The following NOS2 variants were observed in gnomAD, a reference collection of about 807,000 sequenced individuals.
NOS2 encodes nitric oxide synthase, inducible.
A neutral mutation model predicts 136.0 loss-of-function variants in NOS2; 96 were observed. The ratio of observed to expected loss-of-function variants is 0.71; its 90% CI spans 0.60 to 0.84. The LOEUF is 0.84. Ranked by LOEUF, NOS2 falls within the 40% of genes least tolerant of loss-of-function variation. The pLI, the probability that NOS2 is intolerant of heterozygous loss-of-function variation, is 0.00. For missense variants in NOS2, 1,237 were observed against 1,496.9 expected, an observed-to-expected ratio of 0.83 and a Z score of 2.87; for synonymous variants, 539 against 587.5, an observed-to-expected ratio of 0.92 and a Z score of 1.20.
At position 27,758,866 on chromosome 17, in the gene NOS2, C is replaced by T; in HGVS notation, c.3354+15G>A. Reference sequence around the variant, plus strand: ...CCTTGGCCGGCACCTTCAGCCCACACACCCACTACTATACCTTGAGCTGAA... The same window carrying T: ...CCTTGGCCGGCACCTTCAGCCCACATACCCACTACTATACCTTGAGCTGAA... On this transcript the variant is annotated intron_variant, in intron 26 of 26. Coordinates refer to ENST00000313735, the MANE Select transcript of NOS2 (RefSeq NM_000625.4). 6.7e-7 allele frequency: 1 copy of T among 1,481,738 alleles called. No individual in the cohort carries two copies. Among genetic ancestry groups the T allele is most frequent in the Non-Finnish European group, 9.0e-7 (1 of 1,109,800 alleles). The allele number at this position is 1,481,738 out of a possible 1,614,324, so 91.8% of individuals were successfully genotyped here. A position where few individuals can be genotyped will look rare whatever the true frequency, so the allele number is the denominator to read the frequency against.
rs1908524013 is a variant in NOS2 at position 27,772,382 on chromosome 17, C to G, written c.1630G>C (p.Ala544Pro). 5 of 1,614,016 alleles carry G rather than the reference C, an allele frequency of 3.1e-6. No homozygotes were observed. Among genetic ancestry groups the G allele is most frequent in the Non-Finnish European group, 4.2e-6 (5 of 1,180,046 alleles). The change falls in exon 14 of 27, where the codon GCG (alanine) becomes CCG (proline). Residue 544 changes from alanine (A) to proline (P), a missense_variant. Transcript: ENST00000313735. ...ASRVRVTILFATETGKSEALA... is the reference protein window; with the variant it reads ...ASRVRVTILFPTETGKSEALA... ...GCCTCTGATTTTCCTGTCTCTGTCG[C>G]AAAGAGGATGGTGACTCTGACTCGG...
rs1367098467 is a variant in NOS2 at position 27,790,603 on chromosome 17, C to T, written c.111-915G>A. Among the ~76,000 whole-genome samples, 13 of 152,274 alleles carry T rather than the reference C, an allele frequency of 8.5e-5. No individual in the cohort carries two copies. In the South Asian group the frequency reaches 1.2e-3, roughly 15 times the overall value. The stretch of plus-strand genomic sequence containing the variant: ...CCGATCTTGTTTCACCTATACCTTC[C>T]CTGCCCCCATCATTATTTTAAAACA... On this transcript the variant is annotated intron_variant, in intron 2 of 26. Coordinates refer to ENST00000313735, the MANE Select transcript of NOS2 (RefSeq NM_000625.4).
rs191361072 is a variant in NOS2, at chr17:27,780,521, C to T, written c.1004+246G>A. On this transcript the variant is annotated intron_variant, in intron 9 of 26. Coordinates refer to ENST00000313735, the MANE Select transcript of NOS2 (RefSeq NM_000625.4). ...ACTGCTTCTCAAGCTCCTGGGGCCCCATCCGCCTAAGCCTCTGCTTCCCCT... is the reference window on the plus strand; with the variant it reads ...ACTGCTTCTCAAGCTCCTGGGGCCCTATCCGCCTAAGCCTCTGCTTCCCCT... Among the ~76,000 whole-genome samples, 17 of 152,332 alleles carry T rather than the reference C, an allele frequency of 1.1e-4. No homozygotes were observed. In the East Asian group the frequency reaches 3.3e-3, roughly 29 times the overall value.
intron 12 of NOS2, among the ~76,000 whole-genome samples, chr17:27,773,969 T>A (rs1908580122): frequency 6.6e-6 from 1 of 152,144 alleles, no homozygotes; most frequent in South Asian, 2.1e-4. Context: ...CTCAACACTC[T>A]GCTGAGTGAC....
At chr17:27,787,410 A>G (rs1050070242) in intron 5 of NOS2, among the ~76,000 whole-genome samples, 1 of 152,208 alleles carries the variant, frequency 6.6e-6, no homozygotes. Flanking sequence ...TATGATGAGG[A>G]CGTTCAGACA....
intron 11 of NOS2, 27 bp downstream of exon 11, chr17:27,778,663 T>A (rs770393724): frequency 6.9e-6 from 11 of 1,586,632 alleles, no homozygotes; most frequent in Non-Finnish European, 8.7e-6. Context: ...CCAAAAAGTC[T>A]TCAGACTCAC....
rs758984354 is a variant in NOS2, at chr17:27,772,344, G to A, written c.1668C>T (p.Asp556=). The change falls in exon 14 of 27, where the codon GAC becomes GAT. Residue 556 remains aspartate (D), a synonymous_variant. Transcript: ENST00000313735. The part of the protein sequence containing the change: ...ETGKSEALAW[D]LGALFSCAFN... ...AGGCACAGCTGAATAAGGCCCCCAG[G>A]TCCCAGGCCAGCGCCTCTGATTTTC... 9 of 1,614,028 alleles carry A rather than the reference G, an allele frequency of 5.6e-6. No homozygotes were observed. The highest frequency in any genetic ancestry group is 7.6e-6 in the Non-Finnish European group (9 of 1,180,040).
chr17:27,757,423 C>G, intron 26 of NOS2, 70 bp from the exon 27 acceptor site: 1 of 1,269,616 alleles, frequency 7.9e-7, no homozygotes, highest in Non-Finnish European at 1.1e-6. Flanking sequence ...TGCCCAGCTT[C>G]CCTATCACAT....
Position 27,770,949 on chromosome 17 carries a change from A to G in NOS2, c.1773T>C (p.Ser591=), listed in dbSNP as rs1402673141. Residue 591 remains serine (S), a synonymous_variant, in exon 15 of 27, where the codon AGT becomes AGC. Transcript: ENST00000313735. The stretch of plus-strand genomic sequence containing the variant: ...CAGGGCAGTCTCCATTGCCAAACGT[A>G]CTGGTCACCACCAACAGCAGCCGTT... ...EEERLLLVVT[S]TFGNGDCPGN... 6.2e-7 allele frequency: 1 copy of G among 1,613,862 alleles called. No individual in the cohort carries two copies. The highest frequency in any genetic ancestry group is 1.3e-5 in the African/African-American group (1 of 74,848).
Position 27,787,737 on chromosome 17 carries a change from T to G in NOS2, c.408A>C (p.Pro136=). 6.2e-7 allele frequency: 1 copy of G among 1,614,004 alleles called. No individual in the cohort carries two copies. Among genetic ancestry groups the G allele is most frequent in the Non-Finnish European group, 8.5e-7 (1 of 1,179,922 alleles). ...TRGPRDKPTP[P]DELLPQAIEF... ...CGATAGCTTGAGGTAGAAGCTCATC[T>G]GGAGGGGTAGGCTTGTCCCTGGGTC... is the stretch of plus-strand genomic sequence containing the variant. The change falls in exon 5 of 27, where the codon CCA becomes CCC. Residue 136 remains proline (P), a synonymous_variant. Coordinates refer to ENST00000313735, the MANE Select transcript of NOS2 (RefSeq NM_000625.4).
At chr17:27,794,529 C>A (rs1334901602) in intron 2 of NOS2, among the ~76,000 whole-genome samples, 1 of 152,168 alleles carries the variant, frequency 6.6e-6, no homozygotes, top group African/African-American at 2.4e-5. Flanking sequence ...TGGCAGTATG[C>A]AAGCACATTA....
chr17:27,782,253 T>C, intron 6 of NOS2, 147 bp from the exon 7 acceptor site: 5 of 685,012 alleles, frequency 7.3e-6, no homozygotes, highest in Non-Finnish European at 1.3e-5. Flanking sequence ...CAGCCTCCAA[T>C]CTGCACCTGC....
intron 4 of NOS2, among the ~76,000 whole-genome samples, chr17:27,788,490 T>A (rs1909093749): frequency 6.6e-6 from 1 of 152,238 alleles, no homozygotes; most frequent in African/African-American, 2.4e-5. Flanking sequence ...CCTGATGTAA[T>A]ACAGTCCAGC....
In NOS2 at chr17:27,762,791, G is replaced by C; in HGVS notation, c.2800+7C>G. On this transcript the variant is annotated splice_region_variant and intron_variant, in intron 22 of 26. Coordinates refer to ENST00000313735, the MANE Select transcript of NOS2 (RefSeq NM_000625.4). Reference sequence around the variant, plus strand: ...GGGCTGTTCCAGAGCCTCTGCCCCTGGCTCACCTCGGGTGTGGTAGGTGAC... The same window carrying C: ...GGGCTGTTCCAGAGCCTCTGCCCCTCGCTCACCTCGGGTGTGGTAGGTGAC... 1.3e-6 allele frequency: 2 copies of C among 1,541,644 alleles called. No individual in the cohort carries two copies. The highest frequency in any genetic ancestry group is 1.8e-6 in the Non-Finnish European group (2 of 1,142,028).
At position 27,774,340 on chromosome 17, in the gene NOS2, C is replaced by T; in HGVS notation, c.1393G>A (p.Val465Ile). ...GGCPADWIWL[V>I]PPMSGSITPV... is the part of the protein sequence containing the mutation. ...GTGATGCTCCCAGACATGGGAGGGA[C>T]CAGCCAAATCCAGTCTGCCGGGCAG... Residue 465 changes from valine to isoleucine, a missense_variant, in exon 12 of 27, where the codon GTC (valine) becomes ATC (isoleucine). Physicochemically the swap from Val to Ile is conservative, Grantham distance 29. This residue lies in a region of NOS2 where 782 missense variants were observed against 909.9 expected (regional missense o/e 0.86). Transcript: ENST00000313735. 6.3e-7 allele frequency: 1 copy of T among 1,585,128 alleles called. No individual in the cohort carries two copies. Among genetic ancestry groups the T allele is most frequent in the Admixed American group, 1.8e-5 (1 of 55,738 alleles).
rs201388779 is a variant in NOS2 at position 27,788,901 on chromosome 17, C to G, written c.226G>C (p.Ala76Pro). The stretch of plus-strand genomic sequence containing the variant: ...TGCCGTGGGGAGGACAATGGGGTTG[C>G]ATCCAGCTTGACCAGAGATTCTGGA... ...KSPESLVKLD[A>P]TPLSSPRHVR... Residue 76 changes from alanine to proline, a missense_variant, in exon 4 of 27, where the codon GCA (alanine) becomes CCA (proline). Around this residue, in one of 3 missense-constraint regions of NOS2, gnomAD observed 440 missense variants for 545.4 expected, o/e 0.81. Coordinates refer to ENST00000313735, the MANE Select transcript of NOS2 (RefSeq NM_000625.4). 5.0e-6 allele frequency: 8 copies of G among 1,614,028 alleles called. No homozygotes were observed. Among genetic ancestry groups the G allele is most frequent in the Non-Finnish European group, 6.8e-6 (8 of 1,180,024 alleles).
rs758633748 is a variant in NOS2, at chr17:27,789,698, G to C, written c.111-10C>G. The C allele has an allele frequency of 1.9e-6, 3 of 1,607,836 alleles. No individual in the cohort carries two copies. The South Asian group carries it at 3.3e-5, about 18-fold the overall frequency. On this transcript the variant is annotated splice_polypyrimidine_tract_variant and intron_variant, in intron 2 of 26. Coordinates refer to ENST00000313735, the MANE Select transcript of NOS2 (RefSeq NM_000625.4). ...ATCCTGTGTCACTGGACTGTGAAAG[G>C]AAACAGCTAGCATGAGATGCGGTAT... is the stretch of plus-strand genomic sequence containing the variant.
intron 12 of NOS2, among the ~76,000 whole-genome samples, chr17:27,773,560 A>T (rs1025581699): frequency 2.6e-5 from 4 of 152,182 alleles, no homozygotes; most frequent in Admixed American, 2.6e-4. Flanking sequence ...CAGATGACAT[A>T]ATGTACAGTC....
intron 18 of NOS2, among the ~76,000 whole-genome samples, chr17:27,767,068 G>C (rs146538008): frequency 1.3e-5 from 2 of 151,200 alleles, no homozygotes; most frequent in African/African-American, 2.4e-5. Context: ...GTTGCTTCTA[G>C]GTGTTGGGAA....
Sources: gnomAD v4.1 joint callset for allele counts (sites outside exome capture counted in the v4.1 genomes callset) on GRCh38, gnomAD v4.1.1 for gene constraint, gnomAD v4.1.1 regional missense constraint, MANE v1.5 for transcripts, NCBI Gene and HGNC (gene_info 2026-07-23, HGNC 2026-07-21) for gene names.